RNF17: variants seen among roughly 807,000 people sequenced by gnomAD.
RNF17 encodes the protein spermatogenesis associated 23.
In RNF17, 31 loss-of-function variants were observed where a neutral mutation model predicts 200.5. The observed-to-expected ratio is 0.15, with a 90% CI of 0.12 to 0.21. The LOEUF (loss-of-function observed/expected upper bound fraction) is 0.21, where lower values mean the gene tolerates loss of function less well. RNF17 is among the 10% of genes least tolerant of loss of function. The pLI, the probability that RNF17 is intolerant of heterozygous loss-of-function variation, is 1.00. For missense variants in RNF17, 1,628 were observed against 1,905.1 expected, an observed-to-expected ratio of 0.85 and a Z score of 2.71; for synonymous variants, 606 against 637.8, an observed-to-expected ratio of 0.95 and a Z score of 0.75.
chr13:24,792,582 C>CAT (rs1447298049), intron 9 of RNF17, among the ~76,000 whole-genome samples: 1 of 152,136 alleles, frequency 6.6e-6, no homozygotes, highest in Non-Finnish European at 1.5e-5. Flanking sequence ...AGGTCGTGTA[C>CAT]ATATATATGA....
chr13:24,763,369 A>ATTTTTTTTTTTTT (rs34750040), upstream of RNF17, among the ~76,000 whole-genome samples: 9 of 114,700 alleles, frequency 7.8e-5, no homozygotes, highest in Non-Finnish European at 1.6e-4. Flanking sequence ...CGTCCGGCTA[A>ATTTTTTTTTTTTT]TTTTTTTTTT....
At chr13:24,883,576 A>C (rs943459879), downstream of RNF17, among the ~76,000 whole-genome samples, 3 of 152,158 alleles carry the variant, frequency 2.0e-5, no homozygotes, top group Non-Finnish European at 4.4e-5. Flanking sequence ...TTAATCATTC[A>C]TATTTTCATC....
intron 25 of RNF17, among the ~76,000 whole-genome samples, chr13:24,855,013 T>C (rs1032261110): frequency 4.6e-5 from 7 of 152,158 alleles, no homozygotes; most frequent in African/African-American, 1.7e-4. Context: ...TCATTTCCTG[T>C]GTGCGTCACT....
At position 24,825,676 on chromosome 13, in the gene RNF17, G is replaced by A. The variant is rs759445515; in HGVS notation, c.2149G>A (p.Glu717Lys). Residue 717 changes from glutamate to lysine, a missense_variant, in exon 16 of 36, where the codon GAA becomes AAA. This residue lies in a region of RNF17 where 289 missense variants were observed against 384.9 expected (regional missense o/e 0.75). Coordinates refer to ENST00000255324, the MANE Select transcript of RNF17 (RefSeq NM_031277.3). ...GACAATCGAGGAATTCTATAAAAGT[G>A]AAGATGGAGAAAATCTGGAAATCCT... ...LKTIEEFYKS[E>K]DGENLEILCP... 1 of 1,609,462 alleles carries A rather than the reference G, an allele frequency of 6.2e-7. No individual in the cohort carries two copies. Among genetic ancestry groups the A allele is most frequent in the Non-Finnish European group, 8.5e-7 (1 of 1,175,944 alleles).
intron 14 of RNF17, 64 bp from the exon 15 acceptor site, chr13:24,804,224 C>T (rs1165542198): frequency 2.7e-6 from 4 of 1,489,012 alleles, no homozygotes; most frequent in Non-Finnish European, 3.7e-6. Flanking sequence ...GATAGCACCA[C>T]TGCACTCCAG....
At chr13:24,820,262 C>G (rs538478450) in intron 15 of RNF17, among the ~76,000 whole-genome samples, 1 of 151,786 alleles carries the variant, frequency 6.6e-6, no homozygotes, top group African/African-American at 2.4e-5. Context: ...GCTGGGATTT[C>G]AGGTGTGCAC....
At chr13:24,885,275 C>T in the RNF17 span, 1 of 1,569,788 alleles carries the variant, frequency 6.4e-7, no homozygotes, top group Non-Finnish European at 8.8e-7. Flanking sequence ...CATTTTTTAA[C>T]CTTTCCATCA....
chr13:24,750,616 G>A, the RNF17 span: 1 of 152,278 alleles, frequency 6.6e-6, no homozygotes, highest in Non-Finnish European at 1.5e-5. Context: ...GGTTTAACAT[G>A]TAACCATAAC....
chr13:24,753,281 C>T, the RNF17 span, among the ~76,000 whole-genome samples: 1 of 152,148 alleles, frequency 6.6e-6, no homozygotes, highest in Non-Finnish European at 1.5e-5. Flanking sequence ...AAGAAATGAA[C>T]TAAAAGTTCT....
chr13:24,872,882 AGCC>A (rs749383146), intron 32 of RNF17, among the ~76,000 whole-genome samples: 18,718 of 152,020 alleles, frequency 0.12, 1,265 homozygotes, highest in Admixed American at 0.15. Flanking sequence ...GAAGGGGGAC[AGCC>A]ATGAACTAAA....
At chr13:24,786,749 G>A (rs1883158576) in intron 6 of RNF17, among the ~76,000 whole-genome samples, 1 of 152,088 alleles carries the variant, frequency 6.6e-6, no homozygotes, top group African/African-American at 2.4e-5. Context: ...TAATATTATT[G>A]AGGATCCCTT....
chr13:24,824,082 G>A, intron 15 of RNF17: 2 of 658,634 alleles, frequency 3.0e-6, no homozygotes, highest in Non-Finnish European at 5.6e-6. Flanking sequence ...TGTCATTCTG[G>A]GAAGAGGGTA....
intron 6 of RNF17, among the ~76,000 whole-genome samples, chr13:24,787,390 T>C (rs1303557981): frequency 6.6e-6 from 1 of 152,196 alleles, no homozygotes; most frequent in East Asian, 1.9e-4. Flanking sequence ...TGTTCCTTGG[T>C]GTGCCTTGTG....
chr13:24,758,725 A>T, the RNF17 span, among the ~76,000 whole-genome samples: 1 of 152,166 alleles, frequency 6.6e-6, no homozygotes, highest in East Asian at 1.9e-4. Flanking sequence ...CTTTACCATG[A>T]CTAGGCAAAA....
intron 11 of RNF17, among the ~76,000 whole-genome samples, chr13:24,798,458 A>C (rs1884860601): frequency 6.6e-6 from 1 of 152,096 alleles, no homozygotes; most frequent in Non-Finnish European, 1.5e-5. Flanking sequence ...CTTTTCAACT[A>C]TCCTGTTGTT....
At chr13:24,764,849 CTG>C (rs1351460716) in intron 1 of RNF17, among the ~76,000 whole-genome samples, 2 of 150,556 alleles carry the variant, frequency 1.3e-5, no homozygotes, top group Non-Finnish European at 3.0e-5. Flanking sequence ...GCCTAAAACA[CTG>C]TTTGGAAAAT....
chr13:24,813,219 C>A (rs1490171745), intron 15 of RNF17, among the ~76,000 whole-genome samples: 2 of 152,170 alleles, frequency 1.3e-5, no homozygotes, highest in East Asian at 3.9e-4. Context: ...AATGCAGTGG[C>A]ATGATTGTAA....
intron 1 of RNF17, 33 bp from the exon 2 acceptor site, chr13:24,767,239 C>T: frequency 7.0e-7 from 1 of 1,430,700 alleles, no homozygotes; most frequent in South Asian, 1.2e-5. Flanking sequence ...TCATCATCAT[C>T]ATCAAAATAA....
Position 24,843,729 on chromosome 13 carries a change from T to C in RNF17, c.2604-15T>C. 6.8e-7 allele frequency: 1 copy of C among 1,471,728 alleles called. No homozygotes were observed. 91.2% of individuals were successfully genotyped at this position (1,471,728 alleles called of 1,614,324 possible). A position where few individuals can be genotyped will look rare whatever the true frequency, so the allele number is the denominator to read the frequency against. On this transcript the variant is annotated splice_polypyrimidine_tract_variant and intron_variant, in intron 19 of 35. Transcript: ENST00000255324. ...TTGCATACAGTTCTTTTCATTAACT[T>C]TTGTTGTTTTTCAGATACATCCTCA...
Sources: gnomAD v4.1 joint callset for allele counts (sites outside exome capture counted in the v4.1 genomes callset) on GRCh38, gnomAD v4.1.1 for gene constraint, gnomAD v4.1.1 regional missense constraint, MANE v1.5 for transcripts, NCBI Gene and HGNC (gene_info 2026-07-23, HGNC 2026-07-21) for gene names.